Variants in SLC8A1 observed in about 807,000 individuals in gnomAD.
The protein encoded by SLC8A1 is solute carrier family 8 member A1.
SLC8A1 carries 18 observed loss-of-function variants against 68.3 expected under a neutral mutation model. That is an observed-to-expected ratio of 0.26 (90% CI 0.18 to 0.39). The LOEUF is 0.39. Ranked by LOEUF, SLC8A1 falls within the 10% of genes least tolerant of loss-of-function variation. SLC8A1 has a pLI of 1.00. For synonymous variants in SLC8A1, 475 were observed against 415.5 expected, an observed-to-expected ratio of 1.14 and a Z score of -1.74; for missense variants, 985 against 1,156.7, an observed-to-expected ratio of 0.85 and a Z score of 2.15.
At chr2:40,463,936 C>T (rs749148908) in intron 1 of SLC8A1, among the ~76,000 whole-genome samples, 21 of 149,524 alleles carry the variant, frequency 1.4e-4, no homozygotes, top group Non-Finnish European at 2.5e-4. Flanking sequence ...GCTCTGTTTC[C>T]CAGGCTAGAA....
At chr2:40,328,328 G>A (rs532526481) in intron 2 of SLC8A1, among the ~76,000 whole-genome samples, 7 of 152,058 alleles carry the variant, frequency 4.6e-5, no homozygotes, top group Non-Finnish European at 8.8e-5. Context: ...TTGAAACATC[G>A]ACTTCCCCCG....
chr2:40,147,307 C>T (rs1028435071), intron 6 of SLC8A1, among the ~76,000 whole-genome samples: 2 of 152,062 alleles, frequency 1.3e-5, no homozygotes, highest in African/African-American at 4.8e-5. Context: ...TGTTTTTGCC[C>T]CAAGCTTGGT....
At chr2:40,186,246 T>C (rs554088837) in intron 2 of SLC8A1, among the ~76,000 whole-genome samples, 2 of 152,380 alleles carry the variant, frequency 1.3e-5, no homozygotes, top group South Asian at 4.1e-4. Context: ...TCATATCACC[T>C]TGGGCATTCT....
chr2:40,268,185 T>A (rs2065595841), intron 2 of SLC8A1, among the ~76,000 whole-genome samples: 1 of 152,084 alleles, frequency 6.6e-6, no homozygotes, highest in African/African-American at 2.4e-5. Flanking sequence ...TGTGTGTTTG[T>A]GTGTTTCTTT....
At chr2:40,294,878 G>A (rs1007797791) in intron 2 of SLC8A1, among the ~76,000 whole-genome samples, 2 of 152,064 alleles carry the variant, frequency 1.3e-5, no homozygotes, top group African/African-American at 4.8e-5. Context: ...ATGGTCTATA[G>A]TCACATGTAC....
At chr2:40,186,001 T>C (rs376170) in intron 2 of SLC8A1, among the ~76,000 whole-genome samples, 39,081 of 152,074 alleles carry the variant, frequency 0.26, 5,324 homozygotes, top group African/African-American at 0.31. Context: ...GGATTTTGCA[T>C]AGAATGCTGG....
At chr2:40,157,475 T>A (rs2044766090) in intron 6 of SLC8A1, among the ~76,000 whole-genome samples, 1 of 152,156 alleles carries the variant, frequency 6.6e-6, no homozygotes, top group South Asian at 2.1e-4. Context: ...CCCAAAGCTG[T>A]TGTGAAGAAC....
intron 4 of SLC8A1, among the ~76,000 whole-genome samples, chr2:40,172,859 T>C (rs1334557513): frequency 6.6e-6 from 1 of 152,114 alleles, no homozygotes; most frequent in Admixed American, 6.5e-5. Context: ...GGAGAATCGC[T>C]TGAACCCTGG....
chr2:40,430,368 G>C (rs1045027341), intron 1 of SLC8A1, 64 bp from the exon 2 acceptor site: 14 of 1,444,900 alleles, frequency 9.7e-6, no homozygotes, highest in Admixed American at 2.4e-5. Context: ...TGCAGCCAAA[G>C]CATTACTAAT....
chr2:40,311,731 C>A (rs761385463), intron 2 of SLC8A1, among the ~76,000 whole-genome samples: 3 of 149,792 alleles, frequency 2.0e-5, no homozygotes, highest in Admixed American at 1.3e-4. Flanking sequence ...ATTTTTTTTT[C>A]TGGAATGAAC....
At chr2:40,122,077 G>A (rs2036962438) in intron 7 of SLC8A1, among the ~76,000 whole-genome samples, 1 of 151,964 alleles carries the variant, frequency 6.6e-6, no homozygotes, top group Non-Finnish European at 1.5e-5. Context: ...GAGAAATAGT[G>A]TTTACTTATG....
At chr2:40,475,545 C>A (rs1315510007) in intron 1 of SLC8A1, among the ~76,000 whole-genome samples, 1 of 151,826 alleles carries the variant, frequency 6.6e-6, no homozygotes, top group Non-Finnish European at 1.5e-5. Flanking sequence ...GTTTTTAATT[C>A]ATTTTTAAAT....
chr2:40,386,874 C>T (rs1683732268), intron 2 of SLC8A1, among the ~76,000 whole-genome samples: 1 of 151,208 alleles, frequency 6.6e-6, no homozygotes, highest in Non-Finnish European at 1.5e-5. Flanking sequence ...CAACAAACTA[C>T]CATTTTGTCT....
rs192954592 is a variant in SLC8A1 at position 40,368,129 on chromosome 2, T to A, written c.1808+60344A>T. Reference sequence around the variant, plus strand: ...TCTTGTTGCTTCTTTTAATCATTGATAAAAACGTTAAAGATACTAAGGATA... The same window carrying A: ...TCTTGTTGCTTCTTTTAATCATTGAAAAAAACGTTAAAGATACTAAGGATA... On this transcript the variant is annotated intron_variant, in intron 2 of 7. Coordinates refer to ENST00000406785, the Ensembl canonical transcript of SLC8A1. 2.6e-3 allele frequency among the ~76,000 whole-genome samples: 400 copies of A among 152,192 alleles called. 2 individuals are homozygous for A. Among genetic ancestry groups the A allele is most frequent in the Non-Finnish European group, 3.7e-3 (253 of 67,976 alleles).
chr2:40,111,710 A>G (rs1305983872), exon 8 of SLC8A1: 1 of 152,198 alleles, frequency 6.6e-6, no homozygotes, highest in Non-Finnish European at 1.5e-5. Context: ...ATAGACAGAA[A>G]TCGTTAATGC....
At chr2:40,158,523 C>G (rs1304487171) in intron 6 of SLC8A1, among the ~76,000 whole-genome samples, 1 of 152,160 alleles carries the variant, frequency 6.6e-6, no homozygotes, top group Non-Finnish European at 1.5e-5. Context: ...GACAAGAAGA[C>G]TTGAGAGGTT....
At chr2:40,372,487 C>A (rs1407883584) in intron 2 of SLC8A1, among the ~76,000 whole-genome samples, 1 of 152,118 alleles carries the variant, frequency 6.6e-6, no homozygotes, top group African/African-American at 2.4e-5. Flanking sequence ...ATAGATAATA[C>A]TACCATGGCA....
intron 2 of SLC8A1, among the ~76,000 whole-genome samples, chr2:40,363,183 C>T (rs1273875264): frequency 2.6e-5 from 4 of 151,984 alleles, no homozygotes; most frequent in Admixed American, 6.6e-5. Context: ...CATTTTTCAC[C>T]ATATAAGTTA....
intron 4 of SLC8A1, 120 bp downstream of exon 7, chr2:40,170,161 T>G: frequency 1.2e-6 from 1 of 856,814 alleles, no homozygotes; most frequent in Non-Finnish European, 1.9e-6. Flanking sequence ...CCAGAGAAGC[T>G]GCAGCATTAT....
Sources: gnomAD v4.1 joint callset for allele counts (sites outside exome capture counted in the v4.1 genomes callset) on GRCh38, gnomAD v4.1.1 for gene constraint, MANE v1.5 for transcripts, NCBI Gene and HGNC (gene_info 2026-07-23, HGNC 2026-07-21) for gene names.